The following KIAA0232 variants were observed in gnomAD, a reference collection of about 807,000 sequenced individuals.
KIAA0232 encodes the protein uncharacterized protein KIAA0232.
Under a neutral mutation model 122.0 loss-of-function variants are expected in KIAA0232, and 27 were observed. The observed-to-expected ratio is 0.22, with a 90% confidence interval of 0.16 to 0.31. The LOEUF (loss-of-function observed/expected upper bound fraction) is 0.31, where lower values mean the gene tolerates loss of function less well. Ranked by LOEUF, KIAA0232 falls within the 10% of genes least tolerant of loss-of-function variation. The probability of loss-of-function intolerance (pLI) is 1.00; values close to 1 mark genes in which losing one functional copy is unlikely to be tolerated. For synonymous variants in KIAA0232, 613 were observed against 587.6 expected (o/e 1.04, Z -0.63); for missense variants, 1,551 against 1,634.2 (o/e 0.95, Z 0.88).
chr4:6,873,655 A>G (rs1337222038), intron 8 of KIAA0232, among the ~76,000 whole-genome samples: 1 of 152,102 alleles, frequency 6.6e-6, no homozygotes, highest in African/African-American at 2.4e-5. Context: ...TCTTAGCTCT[A>G]GGTTCCTGGT....
At position 6,874,100 on chromosome 4, in the gene KIAA0232, C is replaced by A. The variant is rs1227853242; in HGVS notation, c.3910+2418C>A. On this transcript the variant is annotated intron_variant, in intron 8 of 9. Coordinates refer to ENST00000307659, the MANE Select transcript of KIAA0232 (RefSeq NM_014743.3). ...AGGCTCAGAAAAGAGGCAGCTTGTT[C>A]AGGTAACCATATAAGAAAGCCCCAG... 4.6e-5 allele frequency among the ~76,000 whole-genome samples: 7 copies of A among 152,206 alleles called. No homozygotes were observed. In the East Asian group the frequency reaches 1.3e-3, roughly 29 times the overall value.
intron 2 of KIAA0232, among the ~76,000 whole-genome samples, chr4:6,813,594 C>G (rs1014256284): frequency 6.6e-6 from 1 of 152,030 alleles, no homozygotes; most frequent in Non-Finnish European, 1.5e-5. Flanking sequence ...GATCTCCTGA[C>G]CTTGTGATCC....
intron 4 of KIAA0232, among the ~76,000 whole-genome samples, chr4:6,847,721 A>G (rs1720041400): frequency 6.6e-6 from 1 of 152,212 alleles, no homozygotes; most frequent in Non-Finnish European, 1.5e-5. Flanking sequence ...TGAATCAGCC[A>G]TAGGCAATTC....
At chr4:6,818,867 A>T (rs1268892578) in intron 2 of KIAA0232, among the ~76,000 whole-genome samples, 1 of 152,218 alleles carries the variant, frequency 6.6e-6, no homozygotes, top group Non-Finnish European at 1.5e-5. Context: ...TGGTACTGGT[A>T]CAAAAACAGA....
At chr4:6,816,523 C>T (rs935437708) in intron 2 of KIAA0232, among the ~76,000 whole-genome samples, 6 of 152,128 alleles carry the variant, frequency 3.9e-5, no homozygotes, top group Non-Finnish European at 7.3e-5. Flanking sequence ...ACCTCGTGAT[C>T]CACCCGCCTC....
intron 1 of KIAA0232, among the ~76,000 whole-genome samples, chr4:6,789,913 C>T (rs1387495547): frequency 6.6e-6 from 1 of 151,916 alleles, no homozygotes; most frequent in Non-Finnish European, 1.5e-5. Context: ...TCTGTAGTCC[C>T]AGCTACTTAG....
intron 2 of KIAA0232, among the ~76,000 whole-genome samples, chr4:6,820,867 G>C (rs959539321): frequency 6.6e-6 from 1 of 152,204 alleles, no homozygotes; most frequent in Non-Finnish European, 1.5e-5. Flanking sequence ...CCTGGAGGCT[G>C]GGAAGTCCAA....
chr4:6,817,803 A>G (rs1718208188), intron 2 of KIAA0232, among the ~76,000 whole-genome samples: 2 of 152,220 alleles, frequency 1.3e-5, no homozygotes, highest in South Asian at 2.1e-4. Context: ...TTGTTTATTT[A>G]TCTTTGCAGT....
Position 6,791,315 on chromosome 4 carries a change from C to CTT in KIAA0232, c.-354+8501_-354+8502dup, listed in dbSNP as rs10716163. On this transcript the variant is annotated intron_variant, in intron 1 of 9. Coordinates refer to ENST00000307659, the MANE Select transcript of KIAA0232 (RefSeq NM_014743.3). ...GGAATACAAGTAGCTGTCATAAAGC[C>CTT]TTTTTTTTTTTTTTTTTTTTTTTTT... Among the ~76,000 whole-genome samples, 493 of 82,662 alleles carry CTT rather than the reference C, an allele frequency of 6.0e-3. 135 individuals are homozygous for CTT. Among genetic ancestry groups the CTT allele is most frequent in the African/African-American group, 0.024 (375 of 15,546 alleles). 54.2% of individuals were successfully genotyped at this position (82,662 alleles called of 152,430 possible).
At chr4:6,802,542 C>CT (rs974124504) in intron 1 of KIAA0232, among the ~76,000 whole-genome samples, 1 of 151,352 alleles carries the variant, frequency 6.6e-6, no homozygotes, top group Non-Finnish European at 1.5e-5. Flanking sequence ...TTCTCAACCC[C>CT]CCCCAACCCA....
At chr4:6,802,585 G>A (rs1717432355) in intron 1 of KIAA0232, among the ~76,000 whole-genome samples, 1 of 149,476 alleles carries the variant, frequency 6.7e-6, no homozygotes, top group Admixed American at 6.7e-5. Context: ...ATGTGTGTGT[G>A]TGTCTTATGT....
intron 7 of KIAA0232, among the ~76,000 whole-genome samples, chr4:6,866,707 G>A (rs1244200653): frequency 6.6e-6 from 1 of 152,158 alleles, no homozygotes; most frequent in Non-Finnish European, 1.5e-5. Flanking sequence ...GTGTCTAAGA[G>A]CATGAAAATA....
intron 3 of KIAA0232, among the ~76,000 whole-genome samples, chr4:6,833,762 G>A (rs1719119299): frequency 6.6e-6 from 1 of 152,194 alleles, no homozygotes; most frequent in South Asian, 2.1e-4. Flanking sequence ...GTATGAAATA[G>A]CATATACATC....
chr4:6,878,982 A>T (rs1721910923), intron 9 of KIAA0232, among the ~76,000 whole-genome samples: 1 of 152,046 alleles, frequency 6.6e-6, no homozygotes, highest in Admixed American at 6.6e-5. Context: ...CCCCAAACTG[A>T]GACATATTCC....
intron 3 of KIAA0232, among the ~76,000 whole-genome samples, chr4:6,833,634 A>C (rs1284178075): frequency 6.6e-6 from 1 of 152,130 alleles, no homozygotes; most frequent in Admixed American, 6.5e-5. Context: ...GCATCTCAAA[A>C]AAAGGAAAAA....
intron 2 of KIAA0232, among the ~76,000 whole-genome samples, chr4:6,811,313 G>A (rs1039171138): frequency 5.9e-5 from 9 of 152,170 alleles, no homozygotes; most frequent in African/African-American, 2.2e-4. Context: ...TTGCGGCAAC[G>A]TTGGTGGAAC....
chr4:6,831,809 T>A (rs1338877701), intron 3 of KIAA0232, among the ~76,000 whole-genome samples: 1 of 152,172 alleles, frequency 6.6e-6, no homozygotes, highest in African/African-American at 2.4e-5. Flanking sequence ...TCTCAGGTGT[T>A]CTCCCTCTGG....
rs181062589 is a variant in KIAA0232, at chr4:6,869,072, G to T, written c.3802-2502G>T. Among the ~76,000 whole-genome samples, 1,188 of 152,280 alleles carry T rather than the reference G, an allele frequency of 7.8e-3. 10 individuals carry two copies. Among genetic ancestry groups the T allele is most frequent in the Non-Finnish European group, 0.013 (874 of 68,020 alleles). On this transcript the variant is annotated intron_variant, in intron 7 of 9. Transcript: ENST00000307659. ...TTGGGAATGCAAAGATGAGGAAGAC[G>T]TGGTCCCGCCCCTCAGGAAGCTTAC...
intron 2 of KIAA0232, among the ~76,000 whole-genome samples, chr4:6,820,278 G>A (rs566391793): frequency 1.4e-4 from 21 of 152,212 alleles, no homozygotes; most frequent in African/African-American, 1.2e-4. Context: ...AAAAGAAGAC[G>A]CCACATCTTA....
Sources: allele counts gnomAD v4.1 joint callset (sites outside exome capture counted in the v4.1 genomes callset), GRCh38; gene constraint gnomAD v4.1.1; transcripts MANE v1.5; gene names NCBI Gene and HGNC (gene_info 2026-07-23, HGNC 2026-07-21).